The following TMEM132E variants were observed in gnomAD, a reference collection of about 807,000 sequenced individuals.
TMEM132E encodes transmembrane protein 132E.
A neutral mutation model predicts 78.5 loss-of-function variants in TMEM132E; 49 were observed. The observed-to-expected ratio is 0.62, with a 90% confidence interval of 0.50 to 0.79. TMEM132E has a LOEUF of 0.79. TMEM132E is among the 30% of genes least tolerant of loss of function. The pLI, the probability that TMEM132E is intolerant of heterozygous loss-of-function variation, is 0.00. For synonymous variants in TMEM132E, 715 were observed against 670.6 expected, an observed-to-expected ratio of 1.07 and a Z score of -1.02; for missense variants, 1,403 against 1,470.9, an observed-to-expected ratio of 0.95 and a Z score of 0.75.
intron 2 of TMEM132E, 41 bp downstream of exon 2, chr17:34,627,098 G>T: frequency 1.9e-6 from 2 of 1,061,450 alleles, no homozygotes; most frequent in Non-Finnish European, 2.7e-6. Context: ...TCCCTTCCAA[G>T]ATCAAATGCA....
chr17:34,637,887 C>A lies in TMEM132E; in HGVS notation c.2880C>A (p.Thr960=), dbSNP rs1413187843. 6.2e-7 allele frequency: 1 copy of A among 1,607,760 alleles called. No homozygotes were observed. Among genetic ancestry groups the A allele is most frequent in the Non-Finnish European group, 8.5e-7 (1 of 1,178,960 alleles). ...CGCCAGCAGGCAACCCGCTGGAAAC[C>A]GTGCCCGCCTTCTGCCACGGCGACC... The part of the protein sequence containing the change: ...LSPPAGNPLE[T]VPAFCHGDHH... Residue 960 remains threonine (T), a synonymous_variant, in exon 9 of 9, where the codon ACC becomes ACA. Coordinates refer to ENST00000631683, the MANE Select transcript of TMEM132E (RefSeq NM_001304438.2).
intron 1 of TMEM132E, chr17:34,614,949 A>AG (rs757374107): frequency 1.3e-5 from 2 of 152,310 alleles, no homozygotes; most frequent in Non-Finnish European, 2.9e-5. Context: ...ACCATGGCCC[A>AG]GCTGATCTCC....
chr17:34,619,571 T>C (rs1906893149), intron 1 of TMEM132E, among the ~76,000 whole-genome samples: 1 of 151,900 alleles, frequency 6.6e-6, no homozygotes, highest in Non-Finnish European at 1.5e-5. Flanking sequence ...CTCTGGGTAC[T>C]TGTCACCATT....
At chr17:34,592,396 A>G (rs552984116) in intron 1 of TMEM132E, among the ~76,000 whole-genome samples, 1 of 152,316 alleles carries the variant, frequency 6.6e-6, no homozygotes, top group South Asian at 2.1e-4. Flanking sequence ...CATGGTGGGT[A>G]TAAAGTCTGT....
At chr17:34,627,505 T>TGTGTGTGTGTGTGTGTG (rs59547151) in intron 2 of TMEM132E, among the ~76,000 whole-genome samples, 92 of 148,856 alleles carry the variant, frequency 6.2e-4, no homozygotes, top group Middle Eastern at 3.4e-3. Context: ...TGTGTGTGTG[T>TGTGTGTGTGTGTGTGTG]TTTGGGACAT....
intron 6 of TMEM132E, among the ~76,000 whole-genome samples, chr17:34,633,191 C>T (rs1437899309): frequency 6.6e-6 from 1 of 152,180 alleles, no homozygotes; most frequent in Non-Finnish European, 1.5e-5. Context: ...GGTGGGAAGC[C>T]CCGTGTGCAG....
rs544091395 is a variant in TMEM132E, at chr17:34,613,203, A to C, written c.68-12924A>C. ...CACACACACACACACACACCCACAC[A>C]CACACACACGCGCGCGCGCGCGCGT... On this transcript the variant is annotated intron_variant, in intron 1 of 8. Transcript: ENST00000631683. Among the ~76,000 whole-genome samples, 353 of 114,602 alleles carry C rather than the reference A, an allele frequency of 3.1e-3. 4 individuals carry two copies. The highest frequency in any genetic ancestry group is 9.6e-3 in the African/African-American group (341 of 35,558). The allele number at this position is 114,602 out of a possible 152,430, so 75.2% of individuals were successfully genotyped here. A position where few individuals can be genotyped will look rare whatever the true frequency, so the allele number is the denominator to read the frequency against.
At chr17:34,627,467 C>CGTGTGTGCGTGCGCGCGCGCGCGTGTGT (rs1555564416) in intron 2 of TMEM132E, among the ~76,000 whole-genome samples, 2 of 126,470 alleles carry the variant, frequency 1.6e-5, no homozygotes, top group African/African-American at 6.0e-5. Flanking sequence ...CCAAAAGAAT[C>CGTGTGTGCGTGCGCGCGCGCGCGTGTGT]GTGTGTGTGT....
intron 1 of TMEM132E, among the ~76,000 whole-genome samples, chr17:34,590,449 G>A (rs1905832975): frequency 6.6e-6 from 1 of 152,222 alleles, no homozygotes; most frequent in Non-Finnish European, 1.5e-5. Flanking sequence ...AGAGCATTGT[G>A]GAGGAAGAGG....
At position 34,626,813 on chromosome 17, in the gene TMEM132E, G is replaced by T. The variant is rs568337068; in HGVS notation, c.754G>T (p.Ala252Ser). Residue 252 changes from alanine (A) to serine (S), a missense_variant, in exon 2 of 9, where the codon GCC becomes TCC. By Grantham distance (99) the Ala-to-Ser change is moderately conservative (BLOSUM62 1). This residue lies in a region of TMEM132E where 511 missense variants were observed against 499.0 expected (regional missense o/e 1.02). Coordinates refer to ENST00000631683, the MANE Select transcript of TMEM132E (RefSeq NM_001304438.2). ...SGGCGGSRRG[A>S]GPGVGARAES... is the part of the protein sequence containing the mutation. ...GGGCTGCGGGGGCTCCCGCCGGGGG[G>T]CCGGGCCCGGGGTGGGGGCCCGAGC... The T allele has an allele frequency of 9.8e-6, 15 of 1,531,786 alleles. 1 individual carries two copies. Among genetic ancestry groups the T allele is most frequent in the East Asian group, 9.8e-5 (4 of 40,864 alleles). The allele number at this position is 1,531,786 out of a possible 1,614,324, so 94.9% of individuals were successfully genotyped here.
At chr17:34,606,921 G>A (rs1597682193) in intron 1 of TMEM132E, among the ~76,000 whole-genome samples, 2 of 152,016 alleles carry the variant, frequency 1.3e-5, no homozygotes, top group East Asian at 1.9e-4. Flanking sequence ...TTCCTCCTCC[G>A]CCTTCCACAC....
At position 34,638,318 on chromosome 17, in the gene TMEM132E, C is replaced by T; in HGVS notation, c.*86C>T. The T allele has an allele frequency of 3.7e-6, 5 of 1,339,782 alleles. No homozygotes were observed. Among genetic ancestry groups the T allele is most frequent in the Non-Finnish European group, 4.0e-6 (4 of 1,003,048 alleles). 83.0% of individuals were successfully genotyped at this position (1,339,782 alleles called of 1,614,324 possible). A position where few individuals can be genotyped will look rare whatever the true frequency, so the allele number is the denominator to read the frequency against. ...CAGCCGGGACCCCGGTTCACACTGA[C>T]TCTGGGCGGCTGAATTGATTTTGTA... On this transcript the variant is annotated 3_prime_UTR_variant, in exon 9 of 9. Coordinates refer to ENST00000631683, the MANE Select transcript of TMEM132E (RefSeq NM_001304438.2).
At chr17:34,613,595 C>G (rs1906685430) in intron 1 of TMEM132E, among the ~76,000 whole-genome samples, 1 of 152,070 alleles carries the variant, frequency 6.6e-6, no homozygotes, top group South Asian at 2.1e-4. Flanking sequence ...TTTCCTTCCT[C>G]TCTGTCCCCT....
At chr17:34,582,600 G>T (rs894979336) in intron 1 of TMEM132E, among the ~76,000 whole-genome samples, 1 of 152,092 alleles carries the variant, frequency 6.6e-6, no homozygotes, top group Non-Finnish European at 1.5e-5. Flanking sequence ...GAGCCAGCAG[G>T]GGGGCGAGGG....
Position 34,638,041 on chromosome 17 carries a change from C to T in TMEM132E, c.3034C>T (p.Arg1012Trp), listed in dbSNP as rs1907597984. Residue 1012 changes from arginine to tryptophan, a missense_variant, in exon 9 of 9, where the codon CGG becomes TGG. Around this residue, in one of 3 missense-constraint regions of TMEM132E, gnomAD observed 888 missense variants for 952.8 expected, o/e 0.93. Coordinates refer to ENST00000631683, the MANE Select transcript of TMEM132E (RefSeq NM_001304438.2). ...PASSPTSKRK[R>W]VKFTTFTTLP... is the part of the protein sequence containing the mutation. ...CAGCTCGCCCACCTCCAAGCGCAAG[C>T]GGGTCAAGTTCACCACCTTCACCAC... is the stretch of plus-strand genomic sequence containing the variant. The T allele has an allele frequency of 1.9e-6, 3 of 1,577,020 alleles. No homozygotes were observed. The highest frequency in any genetic ancestry group is 1.1e-5 in the South Asian group (1 of 87,210).
intron 1 of TMEM132E, among the ~76,000 whole-genome samples, chr17:34,602,131 A>C (rs1906261609): frequency 6.6e-6 from 1 of 152,214 alleles, no homozygotes; most frequent in Non-Finnish European, 1.5e-5. Flanking sequence ...TGGTACCCAA[A>C]AAATGGGGGA....
rs1905441494 is a variant in TMEM132E at position 34,580,804 on chromosome 17, G to T, written c.-273G>T. On this transcript the variant is annotated 5_prime_UTR_variant, in exon 1 of 9. Coordinates refer to ENST00000631683, the MANE Select transcript of TMEM132E (RefSeq NM_001304438.2). Reference sequence around the variant, plus strand: ...GGACTGCACGTGCAGCTCCCCCCGCGCCTCGCAGATCCTGCAGGGGGCACC... The same window carrying T: ...GGACTGCACGTGCAGCTCCCCCCGCTCCTCGCAGATCCTGCAGGGGGCACC... 2.6e-6 allele frequency: 1 copy of T among 388,288 alleles called. No individual in the cohort carries two copies. Among genetic ancestry groups the T allele is most frequent in the Non-Finnish European group, 4.6e-6 (1 of 217,068 alleles). The allele number at this position is 388,288 out of a possible 1,614,324, so 24.1% of individuals were successfully genotyped here.
chr17:34,615,681 G>A (rs1207055173), intron 1 of TMEM132E, among the ~76,000 whole-genome samples: 1 of 151,898 alleles, frequency 6.6e-6, no homozygotes, highest in African/African-American at 2.4e-5. Context: ...AAAAACAGCA[G>A]GGTCTCCACC....
chr17:34,611,057 G>A (rs1195630648), intron 1 of TMEM132E, among the ~76,000 whole-genome samples: 1 of 152,216 alleles, frequency 6.6e-6, no homozygotes, highest in Non-Finnish European at 1.5e-5. Flanking sequence ...GGTCTTATCA[G>A]CCCATAGCCT....
Sources: gnomAD v4.1 joint callset for allele counts (sites outside exome capture counted in the v4.1 genomes callset) on GRCh38, gnomAD v4.1.1 for gene constraint, gnomAD v4.1.1 regional missense constraint, MANE v1.5 for transcripts, NCBI Gene and HGNC (gene_info 2026-07-23, HGNC 2026-07-21) for gene names.